CALN1: variants seen among roughly 807,000 people sequenced by gnomAD.
The protein encoded by CALN1 is calneuron 1, also known as calcium-binding protein 8.
CALN1 carries 17 observed loss-of-function variants against 30.6 expected under a neutral mutation model. The observed-to-expected ratio is 0.56, with a 90% CI of 0.38 to 0.83. The LOEUF is 0.83. Among genes scored for constraint, CALN1 ranks in the 40% least tolerant of loss-of-function variants. The pLI, the probability that CALN1 is intolerant of heterozygous loss-of-function variation, is 0.00. For missense variants in CALN1, 291 were observed against 354.9 expected (o/e 0.82, Z 1.45); for synonymous variants, 156 against 131.4 (o/e 1.19, Z -1.28).
intron 4 of CALN1, among the ~76,000 whole-genome samples, chr7:72,028,906 G>A (rs768438634): frequency 2.0e-5 from 3 of 152,028 alleles, no homozygotes; most frequent in Non-Finnish European, 2.9e-5. Flanking sequence ...CAGGAGAATC[G>A]CTTAAGTCTG....
At chr7:72,365,008 A>G (rs1446473787) in intron 2 of CALN1, among the ~76,000 whole-genome samples, 2 of 151,626 alleles carry the variant, frequency 1.3e-5, no homozygotes, top group Non-Finnish European at 2.9e-5. Flanking sequence ...AGTCTCTACT[A>G]AAAATATAAA....
intron 3 of CALN1, among the ~76,000 whole-genome samples, chr7:72,229,780 C>T (rs112981720): frequency 0.011 from 1,685 of 151,818 alleles, 31 homozygotes; most frequent in African/African-American, 0.038. Flanking sequence ...CGGGGCCTGT[C>T]GGAGGGTGGG....
At chr7:72,114,927 G>A (rs1238837473) in intron 3 of CALN1, among the ~76,000 whole-genome samples, 1 of 152,058 alleles carries the variant, frequency 6.6e-6, no homozygotes, top group Non-Finnish European at 1.5e-5. Context: ...CTGGGAGGCA[G>A]GGGTTGCAGT....
At chr7:71,951,593 T>TAACA (rs911618204) in intron 5 of CALN1, among the ~76,000 whole-genome samples, 4 of 151,968 alleles carry the variant, frequency 2.6e-5, no homozygotes, top group Admixed American at 2.6e-4. Context: ...TCCATCTCAA[T>TAACA]AACAAACAAA....
chr7:72,412,366 A>C (rs1807245566), upstream of CALN1: 1 of 152,146 alleles, frequency 6.6e-6, no homozygotes, highest in African/African-American at 2.4e-5. Context: ...GCCAGCTTTT[A>C]TTCTCTTATT....
chr7:72,072,456 A>G (rs753297274), intron 4 of CALN1, among the ~76,000 whole-genome samples: 8 of 152,376 alleles, frequency 5.3e-5, no homozygotes, highest in East Asian at 1.9e-4. Flanking sequence ...AGACATTCCT[A>G]AACAAAAGCT....
intron 1 of CALN1, among the ~76,000 whole-genome samples, chr7:72,438,024 G>T (rs1449260074): frequency 6.6e-6 from 1 of 151,282 alleles, no homozygotes; most frequent in East Asian, 1.9e-4. Flanking sequence ...GCCCAGGTTG[G>T]AGTGCAGTGG....
chr7:72,336,014 C>T (rs1802002396), intron 2 of CALN1, among the ~76,000 whole-genome samples: 1 of 152,206 alleles, frequency 6.6e-6, no homozygotes, highest in South Asian at 2.1e-4. Context: ...GATCCCACCC[C>T]CACCTGGGCG....
rs549482990 is a variant in CALN1, at chr7:72,220,989, A to C, written c.244+57697T>G. On this transcript the variant is annotated intron_variant, in intron 3 of 6. Coordinates refer to ENST00000395275, the MANE Select transcript of CALN1 (RefSeq NM_031468.4). ...TTGCAAAAATTTTCTCCCATTTTGT[A>C]GGTTGCCTGTTCACTCTGATGGTAG... Among the ~76,000 whole-genome samples the C allele has an allele frequency of 7.0e-5, 10 of 143,504 alleles. No homozygotes were observed. The East Asian group carries it at 1.9e-3, about 28-fold the overall frequency. The allele number at this position is 143,504 out of a possible 152,430, so 94.1% of individuals were successfully genotyped here. A position where few individuals can be genotyped will look rare whatever the true frequency, so the allele number is the denominator to read the frequency against.
At chr7:71,838,780 G>A (rs1019256478) in intron 5 of CALN1, among the ~76,000 whole-genome samples, 1 of 152,044 alleles carries the variant, frequency 6.6e-6, no homozygotes, top group East Asian at 1.9e-4. Context: ...TCCCTCTTTT[G>A]CTTGCCACTT....
At chr7:72,478,412 T>G in the CALN1 span, among the ~76,000 whole-genome samples, 1 of 149,354 alleles carries the variant, frequency 6.7e-6, no homozygotes, top group East Asian at 1.9e-4. Context: ...TATTTTTTCT[T>G]AATTAGATGG....
At chr7:72,482,683 G>A in the CALN1 span, among the ~76,000 whole-genome samples, 1 of 151,916 alleles carries the variant, frequency 6.6e-6, no homozygotes. Context: ...TTTTCCATAT[G>A]TTATAAATCC....
Position 72,432,602 on chromosome 7 carries a change from C to T in CALN1, c.-226+14440G>A, listed in dbSNP as rs74836183. On this transcript the variant is annotated intron_variant, in intron 1 of 6. Transcript: ENST00000395276. ...ATTCCTGGCTCCATCCTTGCCTTCCCGGACTGCTTTTCCCTTTGTCTTGTT... is the reference window on the plus strand; with the variant it reads ...ATTCCTGGCTCCATCCTTGCCTTCCTGGACTGCTTTTCCCTTTGTCTTGTT... Among the ~76,000 whole-genome samples, 280 of 152,312 alleles carry T rather than the reference C, an allele frequency of 1.8e-3. 1 individual carries two copies. Among genetic ancestry groups the T allele is most frequent in the African/African-American group, 5.1e-3 (211 of 41,570 alleles).
At chr7:71,799,183 C>T (rs1787152392) in intron 6 of CALN1, among the ~76,000 whole-genome samples, 1 of 152,142 alleles carries the variant, frequency 6.6e-6, no homozygotes, top group South Asian at 2.1e-4. Flanking sequence ...GAGTTTTGTA[C>T]TGAATATTGT....
At chr7:71,972,587 G>A (rs1797902977) in intron 5 of CALN1, among the ~76,000 whole-genome samples, 1 of 152,150 alleles carries the variant, frequency 6.6e-6, no homozygotes, top group Non-Finnish European at 1.5e-5. Flanking sequence ...AGTGATAAAT[G>A]ATGTCAGACA....
intron 2 of CALN1, among the ~76,000 whole-genome samples, chr7:72,332,374 T>G (rs1268462433): frequency 6.6e-6 from 1 of 151,972 alleles, no homozygotes; most frequent in Non-Finnish European, 1.5e-5. Context: ...TGGAAAGGGG[T>G]GATAACGTCT....
chr7:72,099,573 G>A lies in CALN1; in HGVS notation c.388+6578C>T, dbSNP rs192502510. Among the ~76,000 whole-genome samples, 75 of 151,712 alleles carry A rather than the reference G, an allele frequency of 4.9e-4. No homozygotes were observed. In the South Asian group the frequency reaches 0.012, roughly 24 times the overall value. ...CCTGAGAAGTTTACTCATTGGCAAC[G>A]TGAAATTTGCAAAATACCTTCAAGA... On this transcript the variant is annotated intron_variant, in intron 4 of 6. Coordinates refer to ENST00000395275, the MANE Select transcript of CALN1 (RefSeq NM_031468.4).
intron 3 of CALN1, among the ~76,000 whole-genome samples, chr7:72,274,818 A>C (rs1797234509): frequency 6.6e-6 from 1 of 152,174 alleles, no homozygotes; most frequent in African/African-American, 2.4e-5. Context: ...GTCTCCATCA[A>C]TCCACCTTCA....
At chr7:72,260,288 G>T (rs1229858790) in intron 3 of CALN1, among the ~76,000 whole-genome samples, 1 of 152,180 alleles carries the variant, frequency 6.6e-6, no homozygotes, top group East Asian at 1.9e-4. Context: ...ATTAGCAACT[G>T]ATGTTACCCT....
Sources: gnomAD v4.1 joint callset for allele counts (sites outside exome capture counted in the v4.1 genomes callset) on GRCh38, gnomAD v4.1.1 for gene constraint, MANE v1.5 for transcripts, NCBI Gene and HGNC (gene_info 2026-07-23, HGNC 2026-07-21) for gene names.